The following FAT3 variants were observed in gnomAD, a reference collection of about 807,000 sequenced individuals.
FAT3 encodes the protein protocadherin Fat 3.
In FAT3, 95 loss-of-function variants were observed where a neutral mutation model predicts 310.2. The observed-to-expected ratio is 0.31, with a 90% CI of 0.26 to 0.36. FAT3 has a LOEUF of 0.36. Among genes scored for constraint, FAT3 ranks in the 10% least tolerant of loss-of-function variants. The probability of loss-of-function intolerance (pLI) is 1.00; values close to 1 mark genes in which losing one functional copy is unlikely to be tolerated. For synonymous variants in FAT3, 2,314 were observed against 2,192.9 expected (o/e 1.06, Z -1.54); for missense variants, 5,408 against 5,715.6 (o/e 0.95, Z 1.74).
At chr11:92,592,667 A>G (rs1343680940) in intron 3 of FAT3, among the ~76,000 whole-genome samples, 1 of 152,078 alleles carries the variant, frequency 6.6e-6, no homozygotes, top group Non-Finnish European at 1.5e-5. Context: ...ACTGACTAAA[A>G]CAAACTATGT....
chr11:92,666,663 A>G (rs926210279), intron 3 of FAT3, among the ~76,000 whole-genome samples: 16 of 152,024 alleles, frequency 1.1e-4, no homozygotes, highest in African/African-American at 3.6e-4. Flanking sequence ...CCCAGCATTG[A>G]AGGACATTTA....
At chr11:92,562,064 G>A (rs1955246214) in intron 3 of FAT3, among the ~76,000 whole-genome samples, 1 of 152,028 alleles carries the variant, frequency 6.6e-6, no homozygotes, top group Non-Finnish European at 1.5e-5. Flanking sequence ...CCTCTTTGCT[G>A]TTTTCTGGAT....
At chr11:92,645,059 G>T (rs1942099744) in intron 3 of FAT3, among the ~76,000 whole-genome samples, 1 of 152,032 alleles carries the variant, frequency 6.6e-6, no homozygotes. Flanking sequence ...TAATCTTCCT[G>T]CATTTTATAT....
At chr11:92,285,661 A>C (rs1024654127) in intron 1 of FAT3, among the ~76,000 whole-genome samples, 1 of 152,290 alleles carries the variant, frequency 6.6e-6, no homozygotes, top group Middle Eastern at 3.4e-3. Flanking sequence ...TATTCCCTTT[A>C]TGCTTAGGAA....
In FAT3 at chr11:92,890,686, A is replaced by G. The variant is rs2136445038; in HGVS notation, c.13343A>G (p.Gln4448Arg). The G allele has an allele frequency of 6.2e-7, 1 of 1,613,726 alleles. No homozygotes were observed. Among genetic ancestry groups the G allele is most frequent in the Non-Finnish European group, 8.5e-7 (1 of 1,179,820 alleles). The change falls in exon 28 of 28, where the codon CAG (glutamine) becomes CGG (arginine). Residue 4448 changes from glutamine to arginine, a missense_variant. Coordinates refer to ENST00000525166, the MANE Select transcript of FAT3 (RefSeq NM_001367949.2). ...PPPHEEEFLS[Q>R]DQLPPPLPED... is the part of the protein sequence containing the mutation. ...CCTCATGAAGAGGAGTTCTTGAGTC[A>G]GGACCAGCTGCCTCCTCCTCTCCCG...
intron 3 of FAT3, among the ~76,000 whole-genome samples, chr11:92,542,188 C>A (rs1393045609): frequency 3.3e-5 from 5 of 151,978 alleles, no homozygotes; most frequent in African/African-American, 9.7e-5. Flanking sequence ...AAAATAAACT[C>A]AGGATGGATT....
At chr11:92,608,893 G>T (rs925424853) in intron 3 of FAT3, among the ~76,000 whole-genome samples, 3 of 152,098 alleles carry the variant, frequency 2.0e-5, no homozygotes, top group Non-Finnish European at 2.9e-5. Context: ...GAAGACTTAG[G>T]AAGCATACTG....
intron 4 of FAT3, among the ~76,000 whole-genome samples, chr11:92,713,146 G>T (rs1026896824): frequency 1.3e-5 from 2 of 152,174 alleles, no homozygotes; most frequent in Non-Finnish European, 2.9e-5. Context: ...ATGGACCCAG[G>T]GATCTTAGAA....
chr11:92,720,646 C>G (rs1944834849), intron 4 of FAT3, among the ~76,000 whole-genome samples: 1 of 152,206 alleles, frequency 6.6e-6, no homozygotes, highest in African/African-American at 2.4e-5. Context: ...GCCACGTACC[C>G]TCAACTGTTT....
At position 92,836,538 on chromosome 11, in the gene FAT3, T is replaced by G. The variant is rs372571511; in HGVS notation, c.10087-28T>G. ...CCTTTGCTGCCTTATGTCATGTCTT[T>G]TCTTTGTTTTGCTTGTTTTCCATGA... On this transcript the variant is annotated intron_variant, in intron 15 of 27. Transcript: ENST00000525166. 2.4e-5 allele frequency: 38 copies of G among 1,609,498 alleles called. No individual in the cohort carries two copies. The Middle Eastern group carries it at 8.3e-4, about 35-fold the overall frequency.
At chr11:92,678,042 A>G (rs1049024700) in intron 3 of FAT3, among the ~76,000 whole-genome samples, 7 of 152,130 alleles carry the variant, frequency 4.6e-5, no homozygotes, top group Non-Finnish European at 8.8e-5. Flanking sequence ...TGAAGTTACA[A>G]AGTTCGCTTT....
At chr11:92,335,258 C>G (rs1433759662) in intron 1 of FAT3, among the ~76,000 whole-genome samples, 1 of 151,146 alleles carries the variant, frequency 6.6e-6, no homozygotes, top group Non-Finnish European at 1.5e-5. Context: ...TCTTTCCCTC[C>G]TGACTTAGAC....
At chr11:92,315,479 G>GTA (rs1168085335) in intron 1 of FAT3, among the ~76,000 whole-genome samples, 974 of 64,926 alleles carry the variant, frequency 0.015, 19 homozygotes, top group Non-Finnish European at 0.02. Flanking sequence ...GTGTGTGTGT[G>GTA]TATATATATA....
Position 92,282,952 on chromosome 11 carries a change from T to TAGTAATCA in FAT3, c.-18+57778_-18+57779insAGTAATCA, listed in dbSNP as rs1468932340. 3.3e-5 allele frequency among the ~76,000 whole-genome samples: 5 copies of TAGTAATCA among 152,280 alleles called. No homozygotes were observed. In the East Asian group the frequency reaches 9.7e-4, roughly 30 times the overall value. On this transcript the variant is annotated intron_variant, in intron 1 of 27. Coordinates refer to ENST00000525166, the MANE Select transcript of FAT3 (RefSeq NM_001367949.2). ...AAGAAAATCTGTGATCCTGTTTTTA[T>TAGTAATCA]TTTATTTTGCTCTATAGTAATCATC...
chr11:92,490,078 T>G (rs747254670), intron 2 of FAT3, among the ~76,000 whole-genome samples: 5 of 152,106 alleles, frequency 3.3e-5, no homozygotes, highest in Non-Finnish European at 7.4e-5. Flanking sequence ...TCTCTCCTTT[T>G]GGCTTATTCC....
At chr11:92,644,351 A>C (rs1343774989) in intron 3 of FAT3, among the ~76,000 whole-genome samples, 1 of 152,160 alleles carries the variant, frequency 6.6e-6, no homozygotes, top group Non-Finnish European at 1.5e-5. Context: ...CAGTAATCAT[A>C]ATGCTAAATT....
At chr11:92,471,810 A>G (rs1951911319) in intron 2 of FAT3, among the ~76,000 whole-genome samples, 1 of 151,900 alleles carries the variant, frequency 6.6e-6, no homozygotes, top group East Asian at 1.9e-4. Flanking sequence ...AATATTATAC[A>G]TCTGTGAAAT....
rs148772497 is a variant in FAT3 at position 92,587,643 on chromosome 11, T to C, written c.3607+62695T>C. 2.0e-3 allele frequency among the ~76,000 whole-genome samples: 305 copies of C among 152,104 alleles called. 2 individuals carry two copies. Among genetic ancestry groups the C allele is most frequent in the African/African-American group, 6.7e-3 (278 of 41,548 alleles). On this transcript the variant is annotated intron_variant, in intron 3 of 27. Transcript: ENST00000525166. ...TCTGTTTTTAGAATGATGAGTTTATTGAATTCAGGCTGTACCATGGTGTCT... is the reference window on the plus strand; with the variant it reads ...TCTGTTTTTAGAATGATGAGTTTATCGAATTCAGGCTGTACCATGGTGTCT...
At chr11:92,516,144 C>T (rs1413050368) in intron 2 of FAT3, among the ~76,000 whole-genome samples, 1 of 151,968 alleles carries the variant, frequency 6.6e-6, no homozygotes, top group East Asian at 1.9e-4. Flanking sequence ...GTTATGAGGC[C>T]AGCATAATCC....
Sources: gnomAD v4.1 joint callset for allele counts (sites outside exome capture counted in the v4.1 genomes callset) on GRCh38, gnomAD v4.1.1 for gene constraint, MANE v1.5 for transcripts, NCBI Gene and HGNC (gene_info 2026-07-23, HGNC 2026-07-21) for gene names.